AGBL4: variants seen among roughly 807,000 people sequenced by gnomAD.
AGBL4 encodes AGBL carboxypeptidase 4.
A neutral mutation model predicts 66.4 loss-of-function variants in AGBL4; 58 were observed. The ratio of observed to expected loss-of-function variants is 0.87; its 90% CI spans 0.71 to 1.09. The LOEUF is 1.09. Among genes scored for constraint, AGBL4 ranks in the 50% least tolerant of loss-of-function variants. The pLI is 0.00. For synonymous variants in AGBL4, 234 were observed against 222.9 expected (o/e 1.05, Z -0.44); for missense variants, 579 against 631.0 (o/e 0.92, Z 0.88).
intron 3 of AGBL4, among the ~76,000 whole-genome samples, chr1:49,262,463 AAAAC>A (rs1278172077): frequency 2.6e-5 from 4 of 152,206 alleles, no homozygotes; most frequent in African/African-American, 7.2e-5. Context: ...TTACAAGAAA[AAAAC>A]AAACAACCCC....
At chr1:48,966,997 G>C (rs527664424) in intron 5 of AGBL4, among the ~76,000 whole-genome samples, 4 of 151,856 alleles carry the variant, frequency 2.6e-5, no homozygotes, top group Non-Finnish European at 4.4e-5. Flanking sequence ...CTCAAAAAGA[G>C]AGCCATATTG....
intron 9 of AGBL4, among the ~76,000 whole-genome samples, chr1:48,622,016 G>C (rs1645422045): frequency 1.3e-5 from 2 of 151,458 alleles, no homozygotes; most frequent in Admixed American, 1.3e-4. Flanking sequence ...GTCATCCATG[G>C]CTCCCAGGGT....
At chr1:49,613,374 C>T (rs768509700) in intron 3 of AGBL4, among the ~76,000 whole-genome samples, 2 of 152,146 alleles carry the variant, frequency 1.3e-5, no homozygotes, top group Non-Finnish European at 2.9e-5. Flanking sequence ...ATCACCTAAA[C>T]CAGGGTTTCT....
At chr1:49,913,190 A>G (rs887740191) in intron 1 of AGBL4, among the ~76,000 whole-genome samples, 8 of 152,208 alleles carry the variant, frequency 5.3e-5, no homozygotes, top group African/African-American at 1.7e-4. Flanking sequence ...GGTGAGACTC[A>G]AGGCATGATT....
At chr1:49,422,670 C>T (rs1480471613) in intron 3 of AGBL4, among the ~76,000 whole-genome samples, 2 of 152,112 alleles carry the variant, frequency 1.3e-5, no homozygotes, top group East Asian at 3.9e-4. Flanking sequence ...CTGGTGTCAT[C>T]CTCCTACTTC....
chr1:49,273,236 A>C (rs1488384647), intron 3 of AGBL4, among the ~76,000 whole-genome samples: 7 of 152,138 alleles, frequency 4.6e-5, no homozygotes, highest in African/African-American at 1.4e-4. Context: ...GCACATGATT[A>C]AAATTACCCA....
chr1:49,111,552 C>A (rs1645411829), intron 4 of AGBL4, among the ~76,000 whole-genome samples: 1 of 152,204 alleles, frequency 6.6e-6, no homozygotes, highest in Admixed American at 6.5e-5. Context: ...CTGTCACCTC[C>A]ACAGAGAGGC....
At chr1:49,993,545 T>C (rs1415787163) in intron 1 of AGBL4, among the ~76,000 whole-genome samples, 1 of 152,176 alleles carries the variant, frequency 6.6e-6, no homozygotes, top group Non-Finnish European at 1.5e-5. Context: ...TCACCCACAA[T>C]AGACATCCCT....
chr1:48,798,249 A>T (rs1043586675), intron 6 of AGBL4, among the ~76,000 whole-genome samples: 1 of 151,920 alleles, frequency 6.6e-6, no homozygotes. Flanking sequence ...GCATTTTTTC[A>T]TGTTTGTTGG....
rs1350447445 is a variant in AGBL4, at chr1:48,534,181, G to T, written c.1504C>A (p.Pro502Thr). 2.6e-6 allele frequency: 4 copies of T among 1,551,446 alleles called. No homozygotes were observed. The highest frequency in any genetic ancestry group is 3.5e-6 in the Non-Finnish European group (4 of 1,146,854). ...SSVNHKDPSTPF is the reference protein window; with the variant it reads ...SSVNHKDPSTTF ...CCCAGGACTCCGTGTCTTTAAAAAG[G>T]GGTTGAAGGGTCTTTGTGGTTCACT... The change falls in exon 14 of 14, where the codon CCT (proline) becomes ACT (threonine). Residue 502 changes from proline (P) to threonine (T), a missense_variant. Pro to Thr is a conservative substitution (Grantham distance 38). Transcript: ENST00000371839.
At chr1:48,741,832 T>C (rs1168119087) in intron 6 of AGBL4, among the ~76,000 whole-genome samples, 1 of 152,134 alleles carries the variant, frequency 6.6e-6, no homozygotes, top group African/African-American at 2.4e-5. Context: ...GCAGAGAACA[T>C]AACGCTAAAG....
At chr1:48,683,755 G>C (rs1469687420) in intron 6 of AGBL4, among the ~76,000 whole-genome samples, 1 of 152,122 alleles carries the variant, frequency 6.6e-6, no homozygotes, top group Admixed American at 6.6e-5. Flanking sequence ...TGATCAGAAG[G>C]TGAGGTCAGA....
intron 2 of AGBL4, among the ~76,000 whole-genome samples, chr1:49,850,122 C>T (rs1429257906): frequency 6.6e-6 from 1 of 152,106 alleles, no homozygotes; most frequent in Non-Finnish European, 1.5e-5. Context: ...AGTTGAAGTC[C>T]TAGCATCTTT....
chr1:48,533,831 T>C lies in AGBL4; in HGVS notation c.*342A>G. On this transcript the variant is annotated 3_prime_UTR_variant, in exon 14 of 14. Coordinates refer to ENST00000371839, the MANE Select transcript of AGBL4 (RefSeq NM_032785.4). ...AACTATAAAACTTAAAAATGTAAAG[T>C]GGCTTTGAAAGAACTGACCTGATAT... 1 of 284,112 alleles carries C rather than the reference T, an allele frequency of 3.5e-6. No homozygotes were observed. The highest frequency in any genetic ancestry group is 6.7e-6 in the Non-Finnish European group (1 of 148,174). The allele number at this position is 284,112 out of a possible 1,614,324, so 17.6% of individuals were successfully genotyped here.
chr1:49,896,609 ACAC>A (rs1188599637), intron 1 of AGBL4, among the ~76,000 whole-genome samples: 1 of 1,886 alleles, frequency 5.3e-4, no homozygotes, highest in Non-Finnish European at 7.6e-4. Flanking sequence ...ACCCATGAAA[ACAC>A]ACACACACAC....
intron 2 of AGBL4, among the ~76,000 whole-genome samples, chr1:49,793,415 C>T (rs1252435655): frequency 2.0e-5 from 3 of 151,922 alleles, no homozygotes; most frequent in Non-Finnish European, 4.4e-5. Flanking sequence ...TACTCACTTG[C>T]TTCCTTAAAC....
intron 3 of AGBL4, among the ~76,000 whole-genome samples, chr1:49,473,377 T>A (rs1646785451): frequency 6.6e-6 from 1 of 152,036 alleles, no homozygotes; most frequent in African/African-American, 2.4e-5. Flanking sequence ...TTTTGATTTG[T>A]ATCTGTTTGA....
chr1:49,303,953 T>C (rs1299831578), intron 3 of AGBL4, among the ~76,000 whole-genome samples: 3 of 152,216 alleles, frequency 2.0e-5, no homozygotes, highest in Non-Finnish European at 4.4e-5. Flanking sequence ...TGGTGATAGT[T>C]TCTTTTGCTG....
intron 6 of AGBL4, among the ~76,000 whole-genome samples, chr1:48,747,162 T>C (rs995627336): frequency 6.6e-6 from 1 of 152,232 alleles, no homozygotes; most frequent in Non-Finnish European, 1.5e-5. Context: ...AGCACTTGCG[T>C]TAAGAGACAG....
Sources: gnomAD v4.1 joint callset for allele counts (sites outside exome capture counted in the v4.1 genomes callset) on GRCh38, gnomAD v4.1.1 for gene constraint, MANE v1.5 for transcripts, NCBI Gene and HGNC (gene_info 2026-07-23, HGNC 2026-07-21) for gene names.